The following AOAH variants were observed in gnomAD, a reference collection of about 807,000 sequenced individuals.
AOAH encodes acyloxyacyl hydrolase (neutrophil).
Under a neutral mutation model 92.2 loss-of-function variants are expected in AOAH, and 64 were observed. The observed-to-expected ratio is 0.69, with a 90% CI of 0.57 to 0.86. The LOEUF is 0.86. Among genes scored for constraint, AOAH ranks in the 40% least tolerant of loss-of-function variants. The pLI is 0.00. For synonymous variants in AOAH, 263 were observed against 254.5 expected (o/e 1.03, Z -0.32); for missense variants, 656 against 694.6 (o/e 0.94, Z 0.62).
intron 1 of AOAH, among the ~76,000 whole-genome samples, chr7:36,704,207 T>C (rs1297760037): frequency 6.6e-6 from 1 of 152,204 alleles, no homozygotes; most frequent in Admixed American, 6.5e-5. Flanking sequence ...TTGTTTGTTT[T>C]TTTCTTGTAC....
At chr7:36,609,356 AAT>A (rs767742296) in intron 11 of AOAH, among the ~76,000 whole-genome samples, 2 of 152,182 alleles carry the variant, frequency 1.3e-5, no homozygotes, top group Non-Finnish European at 2.9e-5. Context: ...AATGTTCTAG[AAT>A]TCAAATCTGC....
At chr7:36,573,384 C>A (rs2116607694) in intron 13 of AOAH, among the ~76,000 whole-genome samples, 1 of 152,302 alleles carries the variant, frequency 6.6e-6, no homozygotes, top group South Asian at 2.1e-4. Flanking sequence ...ACCAGAGAAT[C>A]ATTCCCTGGA....
intron 1 of AOAH, among the ~76,000 whole-genome samples, chr7:36,719,244 T>C (rs1328210534): frequency 6.6e-6 from 1 of 152,228 alleles, no homozygotes; most frequent in African/African-American, 2.4e-5. Flanking sequence ...ATTATAATTA[T>C]TAACTCGCAA....
At chr7:36,559,083 C>G (rs1422458886) in intron 13 of AOAH, among the ~76,000 whole-genome samples, 3 of 152,262 alleles carry the variant, frequency 2.0e-5, no homozygotes, top group Non-Finnish European at 4.4e-5. Context: ...ACGCTGGCAG[C>G]TGTAGACCAG....
chr7:36,603,286 G>A (rs893865657), intron 11 of AOAH, among the ~76,000 whole-genome samples: 35 of 151,760 alleles, frequency 2.3e-4, no homozygotes, highest in African/African-American at 7.5e-4. Flanking sequence ...TCCCACCCCC[G>A]TCAACAATCT....
At chr7:36,598,659 A>G (rs1790316530) in intron 11 of AOAH, among the ~76,000 whole-genome samples, 2 of 152,202 alleles carry the variant, frequency 1.3e-5, no homozygotes, top group Admixed American at 1.3e-4. Context: ...TTGCCAGATA[A>G]TAGAAAAGGT....
At chr7:36,713,778 T>C (rs921032223) in intron 1 of AOAH, among the ~76,000 whole-genome samples, 4 of 152,028 alleles carry the variant, frequency 2.6e-5, no homozygotes, top group African/African-American at 7.2e-5. Flanking sequence ...TTGAAACCAA[T>C]GAGAACAAAG....
At chr7:36,553,097 C>T (rs985618888) in intron 13 of AOAH, among the ~76,000 whole-genome samples, 1 of 149,676 alleles carries the variant, frequency 6.7e-6, no homozygotes, top group Non-Finnish European at 1.5e-5. Context: ...TTAGGTATAT[C>T]TCCCAATGCT....
At chr7:36,533,701 T>G (rs28499482) in intron 16 of AOAH, among the ~76,000 whole-genome samples, 2,692 of 126,354 alleles carry the variant, frequency 0.021, 28 homozygotes, top group Non-Finnish European at 0.028. Flanking sequence ...GTGTGTGTGT[T>G]TGTGTGTGTG....
intron 3 of AOAH, among the ~76,000 whole-genome samples, chr7:36,665,281 T>C (rs532137278): frequency 3.9e-4 from 60 of 152,344 alleles, no homozygotes; most frequent in African/African-American, 1.4e-3. Flanking sequence ...CACATAAGTA[T>C]TTTATTTCTA....
At chr7:36,559,102 C>T (rs976931631) in intron 13 of AOAH, among the ~76,000 whole-genome samples, 3 of 152,280 alleles carry the variant, frequency 2.0e-5, no homozygotes, top group Admixed American at 6.5e-5. Context: ...AGAGCTGTTC[C>T]TATTCAGCCA....
intron 15 of AOAH, among the ~76,000 whole-genome samples, chr7:36,546,781 C>T (rs1056038421): frequency 6.6e-6 from 1 of 152,300 alleles, no homozygotes; most frequent in East Asian, 1.9e-4. Flanking sequence ...TAGCTTTGTT[C>T]TGTTTCGTGA....
intron 13 of AOAH, among the ~76,000 whole-genome samples, chr7:36,568,504 AT>A (rs1197198069): frequency 6.6e-6 from 1 of 152,114 alleles, no homozygotes; most frequent in Non-Finnish European, 1.5e-5. Context: ...CACCTAAGTC[AT>A]TGTCCTGCTT....
At position 36,522,210 on chromosome 7, in the gene AOAH, G is replaced by A. The variant is rs975870284; in HGVS notation, c.1523-95C>T. The A allele has an allele frequency of 3.1e-5, 37 of 1,184,294 alleles. No individual in the cohort carries two copies. In the African/African-American group the frequency reaches 3.9e-4, roughly 13 times the overall value. 73.4% of individuals were successfully genotyped at this position (1,184,294 alleles called of 1,614,324 possible). A position where few individuals can be genotyped will look rare whatever the true frequency, so the allele number is the denominator to read the frequency against. ...ACGTGAGAACTGCCCATGCCCTCCC[G>A]GGCCCATGTTGACCAAGCCACGGCT... On this transcript the variant is annotated intron_variant, in intron 19 of 20. Coordinates refer to ENST00000617537, the MANE Select transcript of AOAH (RefSeq NM_001637.4).
intron 1 of AOAH, among the ~76,000 whole-genome samples, chr7:36,693,618 T>C (rs1250521724): frequency 2.0e-5 from 3 of 152,174 alleles, no homozygotes; most frequent in Non-Finnish European, 2.9e-5. Context: ...AATTTTAATT[T>C]CCTGTGATAC....
intron 3 of AOAH, among the ~76,000 whole-genome samples, chr7:36,669,753 C>T (rs917022312): frequency 6.6e-6 from 1 of 152,186 alleles, no homozygotes; most frequent in Non-Finnish European, 1.5e-5. Flanking sequence ...TAATTGTTAT[C>T]AATTCTGTTT....
intron 3 of AOAH, among the ~76,000 whole-genome samples, 186 bp from the exon 4 acceptor site, chr7:36,659,451 T>C (rs1795074107): frequency 6.6e-6 from 1 of 152,216 alleles, no homozygotes. Context: ...TGTTGCTCTC[T>C]CCTGCATTTA....
intron 12 of AOAH, among the ~76,000 whole-genome samples, chr7:36,578,460 A>G (rs1788690453): frequency 6.6e-6 from 1 of 152,250 alleles, no homozygotes; most frequent in Non-Finnish European, 1.5e-5. Context: ...TGAGTCTCAC[A>G]GAACCAAATA....
intron 15 of AOAH, among the ~76,000 whole-genome samples, chr7:36,543,871 A>G (rs969831262): frequency 2.0e-5 from 3 of 151,980 alleles, no homozygotes. Context: ...CACCCCTCCC[A>G]GATGCCATAG....
Sources: gnomAD v4.1 joint callset for allele counts (sites outside exome capture counted in the v4.1 genomes callset) on GRCh38, gnomAD v4.1.1 for gene constraint, MANE v1.5 for transcripts, NCBI Gene and HGNC (gene_info 2026-07-23, HGNC 2026-07-21) for gene names.